KHDRBS2: variants seen among roughly 807,000 people sequenced by gnomAD.
KHDRBS2 encodes the protein KH RNA binding domain containing, signal transduction associated 2.
A neutral mutation model predicts 44.3 loss-of-function variants in KHDRBS2; 26 were observed. That is an observed-to-expected ratio of 0.59 (90% confidence interval 0.43 to 0.81). The LOEUF (loss-of-function observed/expected upper bound fraction) is 0.81, where lower values mean the gene tolerates loss of function less well. Among genes scored for constraint, KHDRBS2 ranks in the 40% least tolerant of loss-of-function variants. The pLI is 0.00. For synonymous variants in KHDRBS2, 194 were observed against 151.1 expected, an observed-to-expected ratio of 1.28 and a Z score of -2.08; for missense variants, 476 against 433.1, an observed-to-expected ratio of 1.10 and a Z score of -0.88.
chr6:61,992,425 C>G (rs74317830), intron 3 of KHDRBS2, among the ~76,000 whole-genome samples: 75 of 152,296 alleles, frequency 4.9e-4, no homozygotes, highest in African/African-American at 1.7e-3. Context: ...CTAGACTCCA[C>G]AGACTCAGCA....
chr6:61,953,522 C>A (rs556317648), intron 4 of KHDRBS2, among the ~76,000 whole-genome samples: 1 of 152,008 alleles, frequency 6.6e-6, no homozygotes, highest in East Asian at 1.9e-4. Context: ...TTGTGTAAGA[C>A]TTTATATTGC....
chr6:61,989,585 T>C (rs1775736803), intron 3 of KHDRBS2, among the ~76,000 whole-genome samples: 1 of 152,204 alleles, frequency 6.6e-6, no homozygotes, highest in Admixed American at 6.5e-5. Flanking sequence ...TTTCTTTCTG[T>C]CTTTGCAATC....
At chr6:62,100,597 C>A (rs1801638193) in intron 2 of KHDRBS2, among the ~76,000 whole-genome samples, 1 of 152,174 alleles carries the variant, frequency 6.6e-6, no homozygotes, top group African/African-American at 2.4e-5. Flanking sequence ...CTACCGTTTT[C>A]AGTCAGCAGC....
intron 6 of KHDRBS2, among the ~76,000 whole-genome samples, chr6:61,848,171 T>C (rs1222379101): frequency 1.3e-5 from 2 of 151,850 alleles, no homozygotes; most frequent in African/African-American, 4.8e-5. Context: ...CAAGGCAAGA[T>C]AGTATTTTGG....
chr6:61,595,794 TTAA>T, the KHDRBS2 span, among the ~76,000 whole-genome samples: 13 of 151,778 alleles, frequency 8.6e-5, no homozygotes, highest in African/African-American at 3.1e-4. Context: ...AACAAACATA[TTAA>T]TAACTAATGT....
At position 62,162,963 on chromosome 6, in the gene KHDRBS2, T is replaced by C. The variant is rs189923911; in HGVS notation, c.219+14222A>G. On this transcript the variant is annotated intron_variant, in intron 2 of 8. Coordinates refer to ENST00000281156, the MANE Select transcript of KHDRBS2 (RefSeq NM_152688.4). ...TGGTTGAATCTGAGATATCTAGATATCCATATGTTGATGTCAAGTGGGCAG... is the reference window on the plus strand; with the variant it reads ...TGGTTGAATCTGAGATATCTAGATACCCATATGTTGATGTCAAGTGGGCAG... Among the ~76,000 whole-genome samples, 6 of 152,088 alleles carry C rather than the reference T, an allele frequency of 3.9e-5. No individual in the cohort carries two copies. In the South Asian group the frequency reaches 8.3e-4, roughly 21 times the overall value.
At chr6:61,960,709 T>C (rs1286529996) in intron 4 of KHDRBS2, among the ~76,000 whole-genome samples, 1 of 152,144 alleles carries the variant, frequency 6.6e-6, no homozygotes, top group Non-Finnish European at 1.5e-5. Context: ...ACAAATTTCC[T>C]GCATGAAAAT....
chr6:62,205,488 C>G (rs1175567286), intron 1 of KHDRBS2, among the ~76,000 whole-genome samples: 4 of 152,044 alleles, frequency 2.6e-5, no homozygotes, highest in African/African-American at 9.7e-5. Context: ...GTTTGTGCCC[C>G]AAATAACAAT....
chr6:62,037,978 G>C (rs552683190), intron 3 of KHDRBS2, among the ~76,000 whole-genome samples: 1 of 152,090 alleles, frequency 6.6e-6, no homozygotes, highest in Non-Finnish European at 1.5e-5. Flanking sequence ...CTAATATTTA[G>C]ATATTAAGCA....
chr6:61,623,866 C>T, the KHDRBS2 span, among the ~76,000 whole-genome samples: 6 of 152,230 alleles, frequency 3.9e-5, no homozygotes, highest in African/African-American at 1.4e-4. Context: ...GCATTACAGT[C>T]ACATTCAGGG....
At chr6:61,895,149 C>T (rs1328172619) in intron 5 of KHDRBS2, among the ~76,000 whole-genome samples, 2 of 148,744 alleles carry the variant, frequency 1.3e-5, no homozygotes, top group Non-Finnish European at 3.0e-5. Context: ...CAAACAAAAA[C>T]CCACTCTGAA....
At chr6:61,850,193 A>C (rs1278270230) in intron 6 of KHDRBS2, among the ~76,000 whole-genome samples, 1 of 152,048 alleles carries the variant, frequency 6.6e-6, no homozygotes, top group Non-Finnish European at 1.5e-5. Flanking sequence ...GGACAGACTG[A>C]GAAAACTAAT....
intron 4 of KHDRBS2, among the ~76,000 whole-genome samples, chr6:61,933,296 A>C (rs1036209613): frequency 3.9e-5 from 6 of 152,198 alleles, no homozygotes; most frequent in Non-Finnish European, 8.8e-5. Flanking sequence ...CCTCCCATGA[A>C]GTCCCTCCTC....
intron 6 of KHDRBS2, among the ~76,000 whole-genome samples, chr6:61,861,210 T>C (rs1201708740): frequency 6.6e-6 from 1 of 152,172 alleles, no homozygotes; most frequent in African/African-American, 2.4e-5. Flanking sequence ...AGAAGCTCTT[T>C]AGTTTAATTA....
intron 4 of KHDRBS2, among the ~76,000 whole-genome samples, chr6:61,919,456 G>T (rs1462346981): frequency 6.6e-6 from 1 of 151,826 alleles, no homozygotes; most frequent in Admixed American, 6.6e-5. Flanking sequence ...AGAGCTTGAT[G>T]AGGTCTAAAT....
intron 6 of KHDRBS2, among the ~76,000 whole-genome samples, chr6:61,846,624 C>T (rs1217372972): frequency 6.6e-6 from 1 of 152,082 alleles, no homozygotes; most frequent in Non-Finnish European, 1.5e-5. Context: ...TTTCTCTATC[C>T]ACTAAGAAGT....
the KHDRBS2 span, among the ~76,000 whole-genome samples, chr6:61,556,872 ATTT>A: frequency 4.9e-3 from 425 of 87,396 alleles, no homozygotes; most frequent in East Asian, 9.8e-3. Context: ...TGAAATTGAG[ATTT>A]TTTTTTTTTT....
At chr6:62,156,168 C>T (rs1191802751) in intron 2 of KHDRBS2, among the ~76,000 whole-genome samples, 1 of 152,020 alleles carries the variant, frequency 6.6e-6, no homozygotes, top group Admixed American at 6.5e-5. Flanking sequence ...GCTCAGGTAC[C>T]GAATCACTGT....
intron 6 of KHDRBS2, among the ~76,000 whole-genome samples, chr6:61,813,604 T>A (rs1279162519): frequency 6.6e-6 from 1 of 152,178 alleles, no homozygotes; most frequent in Admixed American, 6.5e-5. Context: ...GGATAGATAG[T>A]CATGCATGTC....
Sources: allele counts gnomAD v4.1 joint callset (sites outside exome capture counted in the v4.1 genomes callset), GRCh38; gene constraint gnomAD v4.1.1; transcripts MANE v1.5; gene names NCBI Gene and HGNC (gene_info 2026-07-23, HGNC 2026-07-21).